Variants in TRAPPC9 observed in about 807,000 individuals in gnomAD.
TRAPPC9 encodes trafficking protein particle complex subunit 9, also known as IKK2 binding protein.
TRAPPC9 carries 83 observed loss-of-function variants against 124.0 expected under a neutral mutation model. The observed-to-expected ratio is 0.67, with a 90% CI of 0.56 to 0.80. The LOEUF (loss-of-function observed/expected upper bound fraction) is 0.80. TRAPPC9 is among the 30% of genes least tolerant of loss of function. The probability of loss-of-function intolerance (pLI) is 0.00; values close to 1 mark genes in which losing one functional copy is unlikely to be tolerated. For missense variants in TRAPPC9, 1,302 were observed against 1,508.3 expected (o/e 0.86, Z 2.27); for synonymous variants, 638 against 617.5 (o/e 1.03, Z -0.49).
intron 7 of TRAPPC9, among the ~76,000 whole-genome samples, chr8:140,390,929 C>G (rs562903703): frequency 6.6e-6 from 1 of 152,342 alleles, no homozygotes; most frequent in East Asian, 1.9e-4. Context: ...CATAGCTAAG[C>G]TGCATTCCTA....
At chr8:140,434,794 C>G (rs2070754688) in intron 4 of TRAPPC9, among the ~76,000 whole-genome samples, 1 of 152,082 alleles carries the variant, frequency 6.6e-6, no homozygotes, top group Non-Finnish European at 1.5e-5. Flanking sequence ...CATAGTGAAA[C>G]CCCGCCTCTA....
At chr8:140,037,513 C>A (rs1840970688) in intron 17 of TRAPPC9, among the ~76,000 whole-genome samples, 1 of 152,034 alleles carries the variant, frequency 6.6e-6, no homozygotes, top group South Asian at 2.1e-4. Context: ...TCAGCATAGC[C>A]GCTCCCAGCC....
rs193004488 is a variant in TRAPPC9 at position 139,954,520 on chromosome 8, T to C, written c.2810+34206A>G. Among the ~76,000 whole-genome samples the C allele has an allele frequency of 9.8e-5, 15 of 152,320 alleles. No homozygotes were observed. The East Asian group carries it at 2.7e-3, about 27-fold the overall frequency. ...CTGTGAGAAATAACTGTATGCAGTT[T>C]AAGCCACCCACCCAGTCTGTGGTAC... On this transcript the variant is annotated intron_variant, in intron 19 of 22. Transcript: ENST00000438773.
intron 20 of TRAPPC9, among the ~76,000 whole-genome samples, chr8:139,905,441 G>A (rs1346984548): frequency 2.6e-5 from 4 of 152,312 alleles, no homozygotes; most frequent in Middle Eastern, 3.4e-3. Flanking sequence ...TGACAGGAAG[G>A]GACACAGGGA....
intron 21 of TRAPPC9, among the ~76,000 whole-genome samples, chr8:139,758,461 T>C (rs1443861705): frequency 6.6e-6 from 1 of 152,216 alleles, no homozygotes; most frequent in Admixed American, 6.5e-5. Flanking sequence ...GGAATACCCC[T>C]GGCTAGAAGG....
At chr8:140,049,991 C>T (rs1048545746) in intron 17 of TRAPPC9, among the ~76,000 whole-genome samples, 4 of 152,200 alleles carry the variant, frequency 2.6e-5, no homozygotes, top group African/African-American at 7.2e-5. Flanking sequence ...CAGGTGTGAG[C>T]GGTGACTGTC....
At chr8:140,389,281 T>C (rs898265687) in intron 7 of TRAPPC9, among the ~76,000 whole-genome samples, 4 of 152,176 alleles carry the variant, frequency 2.6e-5, no homozygotes, top group African/African-American at 9.7e-5. Flanking sequence ...AAAGGGCATA[T>C]AAGTGTTCAT....
intron 21 of TRAPPC9, among the ~76,000 whole-genome samples, chr8:139,767,478 G>C (rs1296015529): frequency 6.6e-6 from 1 of 152,248 alleles, no homozygotes; most frequent in Non-Finnish European, 1.5e-5. Flanking sequence ...GACAAAGTGG[G>C]AGGGAGTGAA....
chr8:140,261,897 G>A (rs1171345853), intron 15 of TRAPPC9, among the ~76,000 whole-genome samples: 1 of 152,130 alleles, frequency 6.6e-6, no homozygotes, highest in Non-Finnish European at 1.5e-5. Context: ...AACCTGGAAG[G>A]AAGAGAAGGG....
Position 139,727,968 on chromosome 8 carries a change from C to T in TRAPPC9, c.*3093G>A, listed in dbSNP as rs139803231. ...ATGTGGATGGAATTAAAAAGAACAG[C>T]AATGGGAAGGCTAGGAGAAGGGACC... On this transcript the variant is annotated 3_prime_UTR_variant, in exon 23 of 23. Transcript: ENST00000438773. Among the ~76,000 whole-genome samples, 190 of 152,104 alleles carry T rather than the reference C, an allele frequency of 1.2e-3. No homozygotes were observed. The highest frequency in any genetic ancestry group is 2.0e-3 in the Non-Finnish European group (138 of 67,994).
chr8:140,181,473 T>C (rs1315636334), intron 17 of TRAPPC9, among the ~76,000 whole-genome samples: 1 of 152,170 alleles, frequency 6.6e-6, no homozygotes, highest in Non-Finnish European at 1.5e-5. Flanking sequence ...GTATTTTTAG[T>C]AGAGATGGGG....
At chr8:139,774,570 G>A (rs866057902) in intron 21 of TRAPPC9, among the ~76,000 whole-genome samples, 3 of 152,118 alleles carry the variant, frequency 2.0e-5, no homozygotes, top group Non-Finnish European at 2.9e-5. Context: ...GCTGTGCCGC[G>A]TCCTCCCTCC....
At chr8:140,185,735 G>A (rs932789252) in intron 17 of TRAPPC9, among the ~76,000 whole-genome samples, 30 of 152,364 alleles carry the variant, frequency 2.0e-4, no homozygotes, top group South Asian at 2.1e-4. Flanking sequence ...GCAGTGTCGC[G>A]GGCGCCATGC....
chr8:140,249,830 A>C (rs4736156), intron 16 of TRAPPC9, among the ~76,000 whole-genome samples: 1 of 151,674 alleles, frequency 6.6e-6, no homozygotes. Flanking sequence ...GGATGGTCTC[A>C]ATCTCCTGAC....
At chr8:139,974,974 C>T (rs1836346440) in intron 19 of TRAPPC9, among the ~76,000 whole-genome samples, 1 of 152,056 alleles carries the variant, frequency 6.6e-6, no homozygotes. Context: ...TCAGCCGCAC[C>T]CGATTCAAAG....
intron 1 of TRAPPC9, 41 bp downstream of exon 1, chr8:140,457,598 T>C: frequency 2.0e-6 from 2 of 985,536 alleles, no homozygotes; most frequent in Non-Finnish European, 2.4e-6. Context: ...CCGCAGCCGG[T>C]CCGAATTGCC....
rs147122075 is a variant in TRAPPC9, at chr8:140,253,190, G to A, written c.2279-261C>T. ...CGAGCTCAAGCCAAGCCATCTTGACGCCTTAGTGAGCAACTCCTTCTCATT... is the reference window on the plus strand; with the variant it reads ...CGAGCTCAAGCCAAGCCATCTTGACACCTTAGTGAGCAACTCCTTCTCATT... On this transcript the variant is annotated intron_variant, in intron 15 of 22. Coordinates refer to ENST00000438773, the MANE Select transcript of TRAPPC9 (RefSeq NM_001160372.4). Among the ~76,000 whole-genome samples, 321 of 152,220 alleles carry A rather than the reference G, an allele frequency of 2.1e-3. 5 individuals are homozygous for A. Among genetic ancestry groups the A allele is most frequent in the Admixed American group, 0.02 (299 of 15,290 alleles).
intron 17 of TRAPPC9, among the ~76,000 whole-genome samples, chr8:140,026,892 G>A (rs893542551): frequency 1.3e-5 from 2 of 151,900 alleles, no homozygotes; most frequent in Non-Finnish European, 2.9e-5. Context: ...TAATATTCAA[G>A]GATCATATTT....
chr8:140,307,440 C>G (rs1327004659), intron 10 of TRAPPC9, among the ~76,000 whole-genome samples: 2 of 152,110 alleles, frequency 1.3e-5, no homozygotes, highest in African/African-American at 4.8e-5. Context: ...CTAAGGGATC[C>G]AACTATTTAC....
Sources: gnomAD v4.1 joint callset for allele counts (sites outside exome capture counted in the v4.1 genomes callset) on GRCh38, gnomAD v4.1.1 for gene constraint, MANE v1.5 for transcripts, NCBI Gene and HGNC (gene_info 2026-07-23, HGNC 2026-07-21) for gene names.